SHQ1: variants seen among roughly 807,000 people sequenced by gnomAD.
SHQ1 encodes the protein protein SHQ1 homolog.
A neutral mutation model predicts 53.8 loss-of-function variants in SHQ1; 49 were observed. The ratio of observed to expected loss-of-function variants is 0.91; its 90% confidence interval spans 0.72 to 1.16. SHQ1 has a LOEUF of 1.16. Ranked by LOEUF, SHQ1 falls within the 50% of genes most tolerant of loss-of-function variation. The pLI, the probability that SHQ1 is intolerant of heterozygous loss-of-function variation, is 0.00. For synonymous variants in SHQ1, 243 were observed against 251.0 expected (o/e 0.97, Z 0.30); for missense variants, 738 against 683.1 (o/e 1.08, Z -0.90).
At chr3:72,841,265 T>C (rs1708172120) in intron 3 of SHQ1, 66 bp from the exon 4 acceptor site, 3 of 1,318,000 alleles carry the variant, frequency 2.3e-6, no homozygotes, top group South Asian at 3.0e-5. Flanking sequence ...GAAGAAAAAG[T>C]ATAGGAAAAA....
At chr3:72,788,757 G>A (rs1215240894) in intron 10 of SHQ1, among the ~76,000 whole-genome samples, 1 of 152,194 alleles carries the variant, frequency 6.6e-6, no homozygotes, top group Non-Finnish European at 1.5e-5. Flanking sequence ...GCCTTGGGAT[G>A]CTGTTAATCT....
the SHQ1 span, among the ~76,000 whole-genome samples, chr3:72,740,165 G>A: frequency 3.9e-5 from 6 of 152,156 alleles, no homozygotes; most frequent in African/African-American, 1.4e-4. Context: ...TCAGCTCCAG[G>A]AATGGCCACA....
intron 6 of SHQ1, among the ~76,000 whole-genome samples, chr3:72,820,641 C>T (rs1435083727): frequency 6.6e-6 from 1 of 152,176 alleles, no homozygotes; most frequent in African/African-American, 2.4e-5. Flanking sequence ...GCAGTGCCAA[C>T]AATGCTTGGA....
chr3:72,760,810 T>A (rs1446910631), intron 10 of SHQ1, among the ~76,000 whole-genome samples: 2 of 152,194 alleles, frequency 1.3e-5, no homozygotes, highest in Admixed American at 1.3e-4. Context: ...AAATAATCAG[T>A]ATCAAATCAT....
intron 7 of SHQ1, among the ~76,000 whole-genome samples, chr3:72,816,948 G>A (rs1427308894): frequency 1.3e-5 from 2 of 152,188 alleles, no homozygotes; most frequent in African/African-American, 4.8e-5. Context: ...TGAGAGCTCA[G>A]AGTAGCCTTC....
At chr3:72,792,826 C>T (rs1706482413) in intron 10 of SHQ1, 90 bp downstream of exon 10, 1 of 610,592 alleles carries the variant, frequency 1.6e-6, no homozygotes, top group East Asian at 4.3e-5. Flanking sequence ...ACTTACTCCT[C>T]AGGTTATTTC....
chr3:72,822,775 A>C (rs577305526), intron 6 of SHQ1, among the ~76,000 whole-genome samples: 1 of 152,354 alleles, frequency 6.6e-6, no homozygotes, highest in Middle Eastern at 3.4e-3. Flanking sequence ...ATATATACAT[A>C]ATGTGAGAAG....
intron 9 of SHQ1, among the ~76,000 whole-genome samples, chr3:72,807,769 T>C (rs1175500133): frequency 6.6e-6 from 1 of 152,240 alleles, no homozygotes; most frequent in Non-Finnish European, 1.5e-5. Flanking sequence ...CTTGGTACCA[T>C]AGCTCTTCTT....
rs528094753 is a variant in SHQ1 at position 72,822,544 on chromosome 3, G to A, written c.727+1880C>T. Among the ~76,000 whole-genome samples the A allele has an allele frequency of 2.6e-5, 4 of 152,202 alleles. No individual in the cohort carries two copies. In the South Asian group the frequency reaches 8.3e-4, roughly 32 times the overall value. On this transcript the variant is annotated intron_variant, in intron 6 of 10. Transcript: ENST00000325599. ...GGAACGCCTTCTCTTGATTTTTAGG[G>A]CAACTAGCTCACCCTGGTGGACAGA...
Position 72,749,750 on chromosome 3 carries a change from ATTAG to A in SHQ1, c.*530_*533del. The A allele has an allele frequency of 4.6e-6, 1 of 218,722 alleles. No individual in the cohort carries two copies. The highest frequency in any genetic ancestry group is 9.2e-6 in the Non-Finnish European group (1 of 109,024). The allele number at this position is 218,722 out of a possible 1,614,324, so 13.5% of individuals were successfully genotyped here. On this transcript the variant is annotated 3_prime_UTR_variant, in exon 11 of 11. Coordinates refer to ENST00000325599, the MANE Select transcript of SHQ1 (RefSeq NM_018130.3). ...AGAACTATTATTTTCAGCTTGAAATATTAGCTACACTTTGGTAAAAATACTTTTG... is the reference window on the plus strand; with the variant it reads ...AGAACTATTATTTTCAGCTTGAAATACTACACTTTGGTAAAAATACTTTTG...
rs190283955 is a variant in SHQ1 at position 72,842,700 on chromosome 3, C to A, written c.209-298G>T. On this transcript the variant is annotated intron_variant, in intron 2 of 10. Coordinates refer to ENST00000325599, the MANE Select transcript of SHQ1 (RefSeq NM_018130.3). ...CTATTTTACAGGCTCTAAAACTATG[C>A]CCTCATAGATTTGGTGAATACAAGT... 1.3e-3 allele frequency among the ~76,000 whole-genome samples: 200 copies of A among 152,274 alleles called. 1 individual carries two copies. The highest frequency in any genetic ancestry group is 4.6e-3 in the African/African-American group (190 of 41,562).
intron 8 of SHQ1, among the ~76,000 whole-genome samples, chr3:72,815,090 C>G (rs1707268508): frequency 6.6e-6 from 1 of 152,168 alleles, no homozygotes; most frequent in Non-Finnish European, 1.5e-5. Context: ...AAACACACCT[C>G]TCACTCTGCC....
At chr3:72,732,847 C>A in the SHQ1 span, among the ~76,000 whole-genome samples, 1 of 151,452 alleles carries the variant, frequency 6.6e-6, no homozygotes, top group African/African-American at 2.4e-5. Flanking sequence ...AGCGGAAGAA[C>A]CGCCCCCACT....
chr3:72,756,742 T>A (rs1418227463), intron 10 of SHQ1, among the ~76,000 whole-genome samples: 1 of 152,244 alleles, frequency 6.6e-6, no homozygotes, highest in Non-Finnish European at 1.5e-5. Context: ...TTACTGGAAA[T>A]GTAATCCTAC....
chr3:72,743,799 G>C, the SHQ1 span, among the ~76,000 whole-genome samples: 1 of 152,134 alleles, frequency 6.6e-6, no homozygotes, highest in Non-Finnish European at 1.5e-5. Context: ...AATAAGATAG[G>C]ACACGCATAT....
At chr3:72,845,645 C>G (rs1424065904) in intron 1 of SHQ1, among the ~76,000 whole-genome samples, 5 of 152,108 alleles carry the variant, frequency 3.3e-5, no homozygotes, top group African/African-American at 1.2e-4. Flanking sequence ...CCTCATGTTG[C>G]CTAGATAATT....
At chr3:72,840,374 G>C (rs560240385) in intron 4 of SHQ1, among the ~76,000 whole-genome samples, 5 of 151,462 alleles carry the variant, frequency 3.3e-5, no homozygotes, top group Non-Finnish European at 7.4e-5. Flanking sequence ...TGGCCAACAT[G>C]GTAAAACCCC....
rs769807712 is a variant in SHQ1 at position 72,812,637 on chromosome 3, C to G, written c.1060+34G>C. ...ACAGACTAAAAACTTACAACTTTTTCCCTCCCAAATTTGCAAGTACAGTAA... is the reference window on the plus strand; with the variant it reads ...ACAGACTAAAAACTTACAACTTTTTGCCTCCCAAATTTGCAAGTACAGTAA... On this transcript the variant is annotated intron_variant, in intron 9 of 10. Transcript: ENST00000325599. 3.7e-6 allele frequency: 6 copies of G among 1,604,860 alleles called. No homozygotes were observed. The Admixed American group carries it at 1.0e-4, about 27-fold the overall frequency.
chr3:72,773,881 C>CTTTA (rs1705904566), intron 10 of SHQ1, among the ~76,000 whole-genome samples: 1 of 152,168 alleles, frequency 6.6e-6, no homozygotes, highest in Admixed American at 6.5e-5. Flanking sequence ...TTCATCACAG[C>CTTTA]TTTACATCAT....
Sources: gnomAD v4.1 joint callset for allele counts (sites outside exome capture counted in the v4.1 genomes callset) on GRCh38, gnomAD v4.1.1 for gene constraint, MANE v1.5 for transcripts, NCBI Gene and HGNC (gene_info 2026-07-23, HGNC 2026-07-21) for gene names.